The following USP45 variants were observed in gnomAD, a reference collection of about 807,000 sequenced individuals.
USP45 encodes ubiquitin specific peptidase 45.
Under a neutral mutation model 95.8 loss-of-function variants are expected in USP45, and 89 were observed. The ratio of observed to expected loss-of-function variants is 0.93; its 90% CI spans 0.78 to 1.11. The LOEUF is 1.11. USP45 is among the 50% of genes least tolerant of loss of function. USP45 has a pLI of 0.00. For missense variants in USP45, 898 were observed against 942.5 expected (o/e 0.95, Z 0.62); for synonymous variants, 281 against 316.2 (o/e 0.89, Z 1.18).
At chr6:99,502,399 C>G (rs1797582333) in intron 5 of USP45, among the ~76,000 whole-genome samples, 1 of 152,116 alleles carries the variant, frequency 6.6e-6, no homozygotes, top group African/African-American at 2.4e-5. Context: ...ATCACTGAAC[C>G]TGAAGAAATG....
intron 8 of USP45, among the ~76,000 whole-genome samples, chr6:99,479,601 C>CCA (rs372388406): frequency 3.4e-5 from 4 of 117,074 alleles, no homozygotes; most frequent in Non-Finnish European, 6.7e-5. Flanking sequence ...TTCCAACAGA[C>CCA]AAAAAAAAAA....
At chr6:99,504,270 G>A (rs530549914) in intron 4 of USP45, among the ~76,000 whole-genome samples, 1 of 152,296 alleles carries the variant, frequency 6.6e-6, no homozygotes, top group African/African-American at 2.4e-5. Flanking sequence ...CCACCCAGTA[G>A]CTGGGATTAC....
At chr6:99,516,084 C>T (rs975695915), upstream of USP45, among the ~76,000 whole-genome samples, 3 of 152,152 alleles carry the variant, frequency 2.0e-5, no homozygotes, top group South Asian at 6.2e-4. Context: ...GCTCCGCCCC[C>T]ACACCCCCGC....
At position 99,435,077 on chromosome 6, in the gene USP45, C is replaced by T. The variant is rs1780249510; in HGVS notation, c.*639G>A. On this transcript the variant is annotated 3_prime_UTR_variant, in exon 18 of 18. Coordinates refer to ENST00000500704, the MANE Select transcript of USP45 (RefSeq NM_001346022.3). ...TATAAAATATGACCAGGGAACTACA[C>T]CGTATTAGGTGTTACTTCATGAAAT... is the stretch of plus-strand genomic sequence containing the variant. 2 of 152,500 alleles carry T rather than the reference C, an allele frequency of 1.3e-5. No homozygotes were observed. The highest frequency in any genetic ancestry group is 2.9e-5 in the Non-Finnish European group (2 of 68,020). 9.4% of individuals were successfully genotyped at this position (152,500 alleles called of 1,614,324 possible).
In USP45 at chr6:99,445,918, A is replaced by AGTAGT. The variant is rs757561678; in HGVS notation, c.1853_1854insACTAC (p.Cys618Ter). On this transcript the variant is annotated stop_gained and frameshift_variant, in exon 14 of 18. Coordinates refer to ENST00000500704, the MANE Select transcript of USP45 (RefSeq NM_001346022.3). LOFTEE classifies it high-confidence loss of function. ...ACTGGTAGAGACAGGACTGAATTGA[A>AGTAGT]CATTCTTTAGAAGTAGTTATATAGC... 3.7e-6 allele frequency: 6 copies of AGTAGT among 1,614,098 alleles called. No homozygotes were observed. In the South Asian group the frequency reaches 4.4e-5, roughly 12 times the overall value.
intron 10 of USP45, 80 bp downstream of exon 10, chr6:99,468,457 A>G: frequency 1.0e-6 from 1 of 961,074 alleles, no homozygotes; most frequent in African/African-American, 1.7e-5. Flanking sequence ...TAGTTCACAT[A>G]ATGTTCAGTT....
intron 8 of USP45, chr6:99,482,185 CCT>C (rs1792602719): frequency 6.6e-6 from 1 of 152,026 alleles, no homozygotes; most frequent in African/African-American, 2.4e-5. Flanking sequence ...GTTGTGTACC[CCT>C]GAATTGTAGC....
intron 5 of USP45, among the ~76,000 whole-genome samples, chr6:99,498,361 T>C (rs759640987): frequency 2.6e-5 from 4 of 152,172 alleles, no homozygotes; most frequent in Non-Finnish European, 5.9e-5. Context: ...TCTACCCACA[T>C]AAAAATCAAA....
At chr6:99,493,554 A>G (rs964007030) in intron 5 of USP45, among the ~76,000 whole-genome samples, 2 of 151,992 alleles carry the variant, frequency 1.3e-5, no homozygotes, top group Non-Finnish European at 2.9e-5. Flanking sequence ...CTGGAGTGCA[A>G]TGGCACAATC....
Position 99,432,877 on chromosome 6 carries a change from G to C in USP45, c.*2839C>G, listed in dbSNP as rs1779917200. 6.6e-6 allele frequency: 1 copy of C among 152,612 alleles called. No homozygotes were observed. Among genetic ancestry groups the C allele is most frequent in the Non-Finnish European group, 1.5e-5 (1 of 68,022 alleles). The allele number at this position is 152,612 out of a possible 1,614,324, so 9.5% of individuals were successfully genotyped here. A position where few individuals can be genotyped will look rare whatever the true frequency, so the allele number is the denominator to read the frequency against. On this transcript the variant is annotated 3_prime_UTR_variant, in exon 18 of 18. Coordinates refer to ENST00000500704, the MANE Select transcript of USP45 (RefSeq NM_001346022.3). ...TCTTCAGCTATTGCATAAAATCACT[G>C]ATTAAAATCATCACACATGGAAGCT...
chr6:99,475,849 T>C (rs1201286967), intron 9 of USP45, among the ~76,000 whole-genome samples: 1 of 151,998 alleles, frequency 6.6e-6, no homozygotes, highest in Non-Finnish European at 1.5e-5. Context: ...TGAGACAGAG[T>C]CTCACTCTGT....
At chr6:99,482,633 C>A in intron 8 of USP45, 120 bp downstream of exon 8, 2 of 975,172 alleles carry the variant, frequency 2.1e-6, no homozygotes, top group Admixed American at 2.8e-5. Context: ...AATTTTAGTT[C>A]TCTTCATAGT....
rs1360174343 is a variant in USP45 at position 99,497,868 on chromosome 6, G to A, written c.478+5897C>T. Among the ~76,000 whole-genome samples, 7 of 152,088 alleles carry A rather than the reference G, an allele frequency of 4.6e-5. No homozygotes were observed. In the East Asian group the frequency reaches 7.7e-4, roughly 17 times the overall value. On this transcript the variant is annotated intron_variant, in intron 5 of 17. Coordinates refer to ENST00000500704, the MANE Select transcript of USP45 (RefSeq NM_001346022.3). ...ACTTGCCTGAACCTATCGAGCTCTC[G>A]TCAATGAGCTATTTTCTTTGCCTGG...
rs554535143 is a variant in USP45 at position 99,455,077 on chromosome 6, G to A, written c.1309-8614C>T. On this transcript the variant is annotated intron_variant, in intron 13 of 17. Transcript: ENST00000500704. ...TGCACTCCAGCCCGGGTGACAGAGC[G>A]ACACTCCATCTCAAAAAAAAAAAAA... Among the ~76,000 whole-genome samples, 497 of 128,060 alleles carry A rather than the reference G, an allele frequency of 3.9e-3. 3 individuals are homozygous for A. The highest frequency in any genetic ancestry group is 0.013 in the African/African-American group (463 of 35,040). 84.0% of individuals were successfully genotyped at this position (128,060 alleles called of 152,430 possible).
chr6:99,445,226 T>C (rs76480459), intron 14 of USP45, among the ~76,000 whole-genome samples: 23,001 of 152,170 alleles, frequency 0.15, 2,431 homozygotes, highest in Non-Finnish European at 0.22. Context: ...GGCTCACACC[T>C]GTAATCTCAG....
chr6:99,509,066 A>T (rs1799170035), intron 2 of USP45, among the ~76,000 whole-genome samples: 1 of 152,192 alleles, frequency 6.6e-6, no homozygotes, highest in Non-Finnish European at 1.5e-5. Context: ...GACACAGTCA[A>T]GTATCTTGAT....
chr6:99,469,239 T>C (rs1246255849), intron 9 of USP45, among the ~76,000 whole-genome samples: 1 of 151,876 alleles, frequency 6.6e-6, no homozygotes, highest in Non-Finnish European at 1.5e-5. Context: ...AAGGTTTATA[T>C]TAACTATTTC....
intron 3 of USP45, among the ~76,000 whole-genome samples, 174 bp from the exon 4 acceptor site, chr6:99,507,705 A>G (rs939357743): frequency 1.3e-5 from 2 of 152,274 alleles, no homozygotes; most frequent in African/African-American, 4.8e-5. Flanking sequence ...TCTTGCCAAC[A>G]GGCTAACATG....
intron 1 of USP45, among the ~76,000 whole-genome samples, chr6:99,511,408 C>T (rs1256076314): frequency 6.6e-6 from 1 of 152,052 alleles, no homozygotes; most frequent in Non-Finnish European, 1.5e-5. Flanking sequence ...CCACCTCAGT[C>T]TCCCAAAGTG....
Sources: gnomAD v4.1 joint callset for allele counts (sites outside exome capture counted in the v4.1 genomes callset) on GRCh38, gnomAD v4.1.1 for gene constraint, MANE v1.5 for transcripts, NCBI Gene and HGNC (gene_info 2026-07-23, HGNC 2026-07-21) for gene names.